Variants in OTOG observed in about 807,000 individuals in gnomAD.
The protein encoded by OTOG is otogelin.
Under a neutral mutation model 313.8 loss-of-function variants are expected in OTOG, and 296 were observed. The observed-to-expected ratio is 0.94, with a 90% CI of 0.86 to 1.04. OTOG has a LOEUF of 1.04. Among genes scored for constraint, OTOG ranks in the 50% least tolerant of loss-of-function variants. OTOG has a pLI of 0.00. For missense variants in OTOG, 3,948 were observed against 3,840.1 expected, an observed-to-expected ratio of 1.03 and a Z score of -0.74; for synonymous variants, 1,533 against 1,554.9, an observed-to-expected ratio of 0.99 and a Z score of 0.33.
chr11:17,610,536 C>T lies in OTOG; in HGVS notation c.5236C>T (p.Pro1746Ser), dbSNP rs1207196758. ...TGCCTCCCCACAGCCACACCCACTCCCCTCTGCACCACCCCGCCCAGCCCA... is the reference window on the plus strand; with the variant it reads ...TGCCTCCCCACAGCCACACCCACTCTCCTCTGCACCACCCCGCCCAGCCCA... ...SPASPQPHPL[P>S]SAPPRPAQHT... The change falls in exon 36 of 56, where the codon CCC becomes TCC. Residue 1746 changes from proline (P) to serine (S), a missense_variant. By Grantham distance (74) the Pro-to-Ser change is moderately conservative. Coordinates refer to ENST00000399397, the MANE Select transcript of OTOG (RefSeq NM_001292063.2). 2.1e-5 allele frequency: 33 copies of T among 1,550,526 alleles called. No homozygotes were observed. The highest frequency in any genetic ancestry group is 2.7e-5 in the Non-Finnish European group (31 of 1,146,968).
In OTOG at chr11:17,574,810, G is replaced by A; in HGVS notation, c.2384G>A (p.Gly795Glu). Residue 795 changes from glycine (G) to glutamate (E), a missense_variant, in exon 20 of 56, where the codon GGG becomes GAG. Coordinates refer to ENST00000399397, the MANE Select transcript of OTOG (RefSeq NM_001292063.2). Reference sequence around the variant, plus strand: ...GACCTGGCCAGCCCTGAGGCCTGTGGGGTTGATGGTGGCGATGACCTGAGC... The same window carrying A: ...GACCTGGCCAGCCCTGAGGCCTGTGAGGTTGATGGTGGCGATGACCTGAGC... ...CQDLASPEAC[G>E]VDGGDDLSRD... The A allele has an allele frequency of 1.3e-6, 2 of 1,550,604 alleles. No individual in the cohort carries two copies. Among genetic ancestry groups the A allele is most frequent in the East Asian group, 4.9e-5 (2 of 40,912 alleles).
intron 39 of OTOG, among the ~76,000 whole-genome samples, chr11:17,618,063 C>A (rs1205762168): frequency 6.6e-6 from 1 of 151,882 alleles, no homozygotes; most frequent in Non-Finnish European, 1.5e-5. Context: ...CAGGCACCAG[C>A]CAATTTTTTT....
chr11:17,556,167 A>G (rs1247964711), intron 7 of OTOG, among the ~76,000 whole-genome samples: 3 of 152,030 alleles, frequency 2.0e-5, no homozygotes, highest in Non-Finnish European at 4.4e-5. Flanking sequence ...GTGAGTTGAG[A>G]GTTTATCATG....
At chr11:17,625,108 A>T (rs575858214) in intron 39 of OTOG, among the ~76,000 whole-genome samples, 3 of 152,178 alleles carry the variant, frequency 2.0e-5, no homozygotes, top group Non-Finnish European at 4.4e-5. Context: ...GCAAACAGGG[A>T]TAGTTTGACT....
chr11:17,641,724 C>G, intron 51 of OTOG, 123 bp from the exon 52 acceptor site: 1 of 660,588 alleles, frequency 1.5e-6, no homozygotes. Context: ...CTGGGAGCGC[C>G]TCTTCTCGAG....
intron 3 of OTOG, among the ~76,000 whole-genome samples, 189 bp downstream of exon 3, chr11:17,548,401 G>T (rs1214514015): frequency 7.4e-6 from 1 of 135,428 alleles, no homozygotes. Flanking sequence ...TAATCTCTTG[G>T]GGGTCTATAG....
At position 17,631,620 on chromosome 11, in the gene OTOG, T is replaced by A. The variant is rs1854127922; in HGVS notation, c.6713-82T>A. 7 of 1,153,798 alleles carry A rather than the reference T, an allele frequency of 6.1e-6. No homozygotes were observed. In the Admixed American group the frequency reaches 8.5e-5, roughly 14 times the overall value. 71.5% of individuals were successfully genotyped at this position (1,153,798 alleles called of 1,614,324 possible). On this transcript the variant is annotated intron_variant, in intron 40 of 55. Transcript: ENST00000399397. Reference sequence around the variant, plus strand: ...TGGTATTATTGACCTCAAAGAACTGTGAGGAATACAAAAAGTGAGAGCTGA... The same window carrying A: ...TGGTATTATTGACCTCAAAGAACTGAGAGGAATACAAAAAGTGAGAGCTGA...
At chr11:17,591,893 A>G (rs1045096687) in intron 25 of OTOG, among the ~76,000 whole-genome samples, 3 of 152,232 alleles carry the variant, frequency 2.0e-5, no homozygotes, top group Non-Finnish European at 4.4e-5. Flanking sequence ...ACCTAGGGGC[A>G]TATTGAGCCA....
At chr11:17,562,042 AAAAAATAT>A (rs1334210596) in intron 15 of OTOG, among the ~76,000 whole-genome samples, 3 of 123,240 alleles carry the variant, frequency 2.4e-5, no homozygotes, top group African/African-American at 1.2e-4. Flanking sequence ...CTACCTAAAA[AAAAAATAT>A]ATATATATAT....
At chr11:17,561,060 A>G in intron 13 of OTOG, 31 bp from the exon 14 acceptor site, 1 of 1,550,182 alleles carries the variant, frequency 6.5e-7, no homozygotes, top group Non-Finnish European at 8.7e-7. Context: ...TGGAGGGGTG[A>G]CCTCTTGCCT....
chr11:17,631,316 G>A (rs1854116754), intron 40 of OTOG, among the ~76,000 whole-genome samples: 1 of 149,142 alleles, frequency 6.7e-6, no homozygotes, highest in Non-Finnish European at 1.5e-5. Flanking sequence ...ATAAAGTAGT[G>A]TACACCTTTT....
intron 23 of OTOG, among the ~76,000 whole-genome samples, chr11:17,584,120 A>G (rs1852737509): frequency 6.6e-6 from 1 of 152,212 alleles, no homozygotes; most frequent in African/African-American, 2.4e-5. Flanking sequence ...GCCACAATAT[A>G]GAAATACAGT....
chr11:17,586,724 G>A, intron 24 of OTOG, 143 bp downstream of exon 24: 1 of 456,466 alleles, frequency 2.2e-6, no homozygotes, highest in Non-Finnish European at 3.8e-6. Context: ...TGTGGTATAG[G>A]GGTTTGTGTA....
intron 53 of OTOG, among the ~76,000 whole-genome samples, chr11:17,642,523 A>G (rs775171886): frequency 7.2e-5 from 11 of 152,218 alleles, no homozygotes; most frequent in Non-Finnish European, 1.6e-4. Context: ...AACACAGGTC[A>G]CCAGTCACTC....
intron 37 of OTOG, 66 bp downstream of exon 37, chr11:17,612,396 T>C: frequency 1.1e-5 from 16 of 1,469,250 alleles, no homozygotes; most frequent in Non-Finnish European, 1.4e-5. Flanking sequence ...ATGACCGCCA[T>C]CCCTGATCTG....
At chr11:17,581,391 G>A (rs957746782) in intron 23 of OTOG, among the ~76,000 whole-genome samples, 1 of 152,196 alleles carries the variant, frequency 6.6e-6, no homozygotes, top group Non-Finnish European at 1.5e-5. Flanking sequence ...CGTGGAAACA[G>A]GGAGATTCAG....
rs1206983830 is a variant in OTOG at position 17,560,823 on chromosome 11, T to G, written c.1451+6T>G. ...AAGGAAGACTGCAATACTTGGTCTGTGTCTGCTGCCGGGAAGCAGGGTGTG... is the reference window on the plus strand; with the variant it reads ...AAGGAAGACTGCAATACTTGGTCTGGGTCTGCTGCCGGGAAGCAGGGTGTG... On this transcript the variant is annotated splice_donor_region_variant and intron_variant, in intron 13 of 55. Transcript: ENST00000399397. 6.5e-7 allele frequency: 1 copy of G among 1,547,760 alleles called. No homozygotes were observed. The highest frequency in any genetic ancestry group is 8.7e-7 in the Non-Finnish European group (1 of 1,144,374).
At position 17,641,054 on chromosome 11, in the gene OTOG, ACAC is replaced by A. The variant is rs749534085; in HGVS notation, c.8158_8160del (p.Thr2720del). The A allele has an allele frequency of 7.8e-7, 1 of 1,288,032 alleles. No individual in the cohort carries two copies. Among genetic ancestry groups the A allele is most frequent in the Non-Finnish European group, 1.0e-6 (1 of 988,850 alleles). The allele number at this position is 1,288,032 out of a possible 1,614,324, so 79.8% of individuals were successfully genotyped here. ...CCTCTCACCAACTTCTACCAGATCAACACCACCTCCGTGCTCTGTGACATCCAC... is the reference window on the plus strand; with the variant it reads ...CCTCTCACCAACTTCTACCAGATCAACACCTCCGTGCTCTGTGACATCCAC... On this transcript the variant is annotated inframe_deletion, in exon 51 of 56. Transcript: ENST00000399397.
At chr11:17,643,718 C>T (rs1383333696) in intron 54 of OTOG, among the ~76,000 whole-genome samples, 1 of 152,242 alleles carries the variant, frequency 6.6e-6, no homozygotes, top group African/African-American at 2.4e-5. Flanking sequence ...GTCCTTGTTC[C>T]CATACAAAAC....
Sources: allele counts gnomAD v4.1 joint callset (sites outside exome capture counted in the v4.1 genomes callset), GRCh38; gene constraint gnomAD v4.1.1; transcripts MANE v1.5; gene names NCBI Gene and HGNC (gene_info 2026-07-23, HGNC 2026-07-21).